Variants in TRAPPC9 observed in about 807,000 individuals in gnomAD.
TRAPPC9 encodes the protein trafficking protein particle complex subunit 9.
TRAPPC9 carries 83 observed loss-of-function variants against 124.0 expected under a neutral mutation model. The observed-to-expected ratio is 0.67, with a 90% CI of 0.56 to 0.80. TRAPPC9 has a LOEUF of 0.80. TRAPPC9 is among the 30% of genes least tolerant of loss of function. The pLI, the probability that TRAPPC9 is intolerant of heterozygous loss-of-function variation, is 0.00. For synonymous variants in TRAPPC9, 638 were observed against 617.5 expected, an observed-to-expected ratio of 1.03 and a Z score of -0.49; for missense variants, 1,302 against 1,508.3, an observed-to-expected ratio of 0.86 and a Z score of 2.27.
At chr8:140,326,213 C>T (rs1376432917) in intron 9 of TRAPPC9, among the ~76,000 whole-genome samples, 3 of 149,014 alleles carry the variant, frequency 2.0e-5, no homozygotes, top group Non-Finnish European at 3.0e-5. Context: ...AGTGAAACCC[C>T]GTCTCTACTA....
In TRAPPC9 at chr8:140,451,207, C is replaced by A; in HGVS notation, c.167G>T (p.Arg56Leu). 6.2e-7 allele frequency: 1 copy of A among 1,614,096 alleles called. No individual in the cohort carries two copies. Among genetic ancestry groups the A allele is most frequent in the Non-Finnish European group, 8.5e-7 (1 of 1,180,028 alleles). Residue 56 changes from arginine (R) to leucine (L), a missense_variant, in exon 2 of 23, where the codon CGC (arginine) becomes CTC (leucine). This residue lies in a region of TRAPPC9 where 657 missense variants were observed against 811.2 expected (regional missense o/e 0.81). Transcript: ENST00000438773. ...CTCGGGTGGGTAGTGGTGCCTGTAG[C>A]GGATGTAGAGGACTCGCTGGGAGTC... ...VRDSQRVLYI[R>L]YRHHYPPENN...
At chr8:139,860,950 G>A (rs540811218) in intron 21 of TRAPPC9, among the ~76,000 whole-genome samples, 1 of 152,266 alleles carries the variant, frequency 6.6e-6, no homozygotes, top group African/African-American at 2.4e-5. Context: ...GAGAGCCTGG[G>A]AGCTGTGGCT....
At chr8:140,207,685 C>T (rs1218553264) in intron 17 of TRAPPC9, among the ~76,000 whole-genome samples, 2 of 152,202 alleles carry the variant, frequency 1.3e-5, no homozygotes, top group Non-Finnish European at 2.9e-5. Flanking sequence ...GCGGTGACAG[C>T]GTCTTGCAAA....
intron 17 of TRAPPC9, among the ~76,000 whole-genome samples, chr8:140,165,603 G>A (rs1385541101): frequency 8.4e-6 from 1 of 119,606 alleles, no homozygotes; most frequent in Non-Finnish European, 1.7e-5. Context: ...GGAGGGAGGG[G>A]AAGGGGGCAA....
intron 17 of TRAPPC9, chr8:140,096,026 G>C (rs1241505795): frequency 6.6e-6 from 1 of 152,228 alleles, no homozygotes; most frequent in Non-Finnish European, 1.5e-5. Flanking sequence ...TCTGTATCAA[G>C]AGTATACCAC....
At chr8:140,454,709 C>A (rs1477539159) in intron 1 of TRAPPC9, among the ~76,000 whole-genome samples, 1 of 148,636 alleles carries the variant, frequency 6.7e-6, no homozygotes, top group Non-Finnish European at 1.5e-5. Flanking sequence ...GAGGCCAAGT[C>A]GAGTGGATCG....
At chr8:140,355,516 A>C (rs2067713586) in intron 9 of TRAPPC9, among the ~76,000 whole-genome samples, 1 of 152,248 alleles carries the variant, frequency 6.6e-6, no homozygotes, top group South Asian at 2.1e-4. Context: ...ATTCAAACTC[A>C]GATTTTAAAC....
chr8:139,935,495 A>C (rs139343687), intron 19 of TRAPPC9, among the ~76,000 whole-genome samples: 1 of 152,280 alleles, frequency 6.6e-6, no homozygotes, highest in Non-Finnish European at 1.5e-5. Context: ...CAAGTCCATG[A>C]CCAGTGTGTT....
chr8:140,011,527 C>G (rs1445426424), intron 18 of TRAPPC9, among the ~76,000 whole-genome samples: 2 of 109,792 alleles, frequency 1.8e-5, no homozygotes, highest in Non-Finnish European at 3.4e-5. Flanking sequence ...TTTTTTGAGA[C>G]GGAGTCTCAC....
chr8:139,874,061 C>T (rs754799262), intron 21 of TRAPPC9, among the ~76,000 whole-genome samples: 1 of 152,230 alleles, frequency 6.6e-6, no homozygotes, highest in Non-Finnish European at 1.5e-5. Context: ...AGGCTGGCCA[C>T]AGGCACGCAC....
chr8:139,761,474 A>C (rs1173967554), intron 21 of TRAPPC9, among the ~76,000 whole-genome samples: 3 of 152,172 alleles, frequency 2.0e-5, no homozygotes, highest in African/African-American at 7.2e-5. Context: ...GAAAGTGATG[A>C]TGCGGTGTGC....
At chr8:140,443,198 G>A (rs1474359209) in intron 2 of TRAPPC9, among the ~76,000 whole-genome samples, 10 of 147,510 alleles carry the variant, frequency 6.8e-5, no homozygotes, top group African/African-American at 1.3e-4. Context: ...CACTTTGGGA[G>A]GCCAAGGCGG....
intron 21 of TRAPPC9, among the ~76,000 whole-genome samples, chr8:139,832,523 G>A (rs973244796): frequency 6.6e-6 from 1 of 152,194 alleles, no homozygotes; most frequent in African/African-American, 2.4e-5. Flanking sequence ...GGCCCAGCAG[G>A]AGGACCATGC....
chr8:139,737,772 C>G (rs1818296776), intron 21 of TRAPPC9, among the ~76,000 whole-genome samples: 1 of 152,148 alleles, frequency 6.6e-6, no homozygotes, highest in African/African-American at 2.4e-5. Flanking sequence ...CTCTGACGCC[C>G]CAGTCTTTAG....
chr8:140,218,423 A>C (rs187215190), intron 17 of TRAPPC9, among the ~76,000 whole-genome samples: 14 of 152,254 alleles, frequency 9.2e-5, no homozygotes, highest in African/African-American at 2.9e-4. Context: ...AAAGGCATAC[A>C]ACAAATTGAG....
intron 21 of TRAPPC9, among the ~76,000 whole-genome samples, chr8:139,820,872 C>T (rs992398430): frequency 9.2e-5 from 14 of 152,112 alleles, no homozygotes; most frequent in Non-Finnish European, 1.5e-4. Flanking sequence ...ATTGTATATG[C>T]ACAAATGAAT....
intron 17 of TRAPPC9, among the ~76,000 whole-genome samples, chr8:140,204,681 C>T (rs538536109): frequency 6.6e-6 from 1 of 152,194 alleles, no homozygotes; most frequent in Non-Finnish European, 1.5e-5. Context: ...TGTGACACAC[C>T]AGCTCCCCCT....
At chr8:140,071,306 A>G (rs930794108) in intron 17 of TRAPPC9, among the ~76,000 whole-genome samples, 1 of 152,192 alleles carries the variant, frequency 6.6e-6, no homozygotes, top group Non-Finnish European at 1.5e-5. Flanking sequence ...CTCGACACTC[A>G]CAGTCTCGCT....
intron 6 of TRAPPC9, among the ~76,000 whole-genome samples, chr8:140,400,605 A>G (rs2069230701): frequency 6.6e-6 from 1 of 152,198 alleles, no homozygotes; most frequent in Non-Finnish European, 1.5e-5. Context: ...AGAACAAATG[A>G]GGGCGTTTGG....
Sources: allele counts gnomAD v4.1 joint callset (sites outside exome capture counted in the v4.1 genomes callset), GRCh38; gene constraint gnomAD v4.1.1; regional missense constraint gnomAD v4.1.1; transcripts MANE v1.5; gene names NCBI Gene and HGNC (gene_info 2026-07-23, HGNC 2026-07-21).